The following ESRRB variants were observed in gnomAD, a reference collection of about 807,000 sequenced individuals.
ESRRB encodes the protein estrogen related receptor beta.
In ESRRB, 16 loss-of-function variants were observed where a neutral mutation model predicts 46.0. The observed-to-expected ratio is 0.35, with a 90% CI of 0.24 to 0.53. ESRRB has a LOEUF of 0.53. ESRRB is among the 20% of genes least tolerant of loss of function. The probability of loss-of-function intolerance (pLI) is 0.93; values close to 1 mark genes in which losing one functional copy is unlikely to be tolerated. For missense variants in ESRRB, 488 were observed against 607.4 expected (o/e 0.80, Z 2.07); for synonymous variants, 246 against 259.6 (o/e 0.95, Z 0.50).
At chr14:76,327,828 C>G (rs1245864413) in intron 1 of ESRRB, among the ~76,000 whole-genome samples, 1 of 151,960 alleles carries the variant, frequency 6.6e-6, no homozygotes, top group South Asian at 2.1e-4. Flanking sequence ...CTCAGCCTCC[C>G]GAGTAACTGG....
At chr14:76,454,544 C>A (rs1380607094) in intron 2 of ESRRB, among the ~76,000 whole-genome samples, 1 of 152,070 alleles carries the variant, frequency 6.6e-6, no homozygotes, top group African/African-American at 2.4e-5. Flanking sequence ...GAGGAGCTGG[C>A]CAGGAGGACC....
chr14:76,341,913 CT>C (rs1260976393), intron 1 of ESRRB, among the ~76,000 whole-genome samples: 1 of 152,164 alleles, frequency 6.6e-6, no homozygotes, highest in East Asian at 1.9e-4. Flanking sequence ...GTAAAACCTG[CT>C]GGAGAATGGT....
At chr14:76,319,445 C>T (rs577704264) in intron 1 of ESRRB, among the ~76,000 whole-genome samples, 4 of 152,124 alleles carry the variant, frequency 2.6e-5, no homozygotes, top group Non-Finnish European at 4.4e-5. Context: ...TTTGTGCACA[C>T]GTGTGCACAT....
chr14:76,409,894 A>G (rs1331847962), intron 1 of ESRRB, among the ~76,000 whole-genome samples: 2 of 152,156 alleles, frequency 1.3e-5, no homozygotes, highest in Non-Finnish European at 2.9e-5. Context: ...TGCATGTCTC[A>G]TGGTTTTACC....
intron 1 of ESRRB, among the ~76,000 whole-genome samples, chr14:76,379,905 C>T (rs530046992): frequency 8.3e-5 from 11 of 132,292 alleles, no homozygotes; most frequent in Non-Finnish European, 1.6e-4. Flanking sequence ...GGCCACAAAA[C>T]AGGAATCTTT....
chr14:76,406,308 G>A (rs1027720296), intron 1 of ESRRB, among the ~76,000 whole-genome samples: 8 of 152,162 alleles, frequency 5.3e-5, no homozygotes, highest in Non-Finnish European at 1.2e-4. Context: ...GGGGCTGGGA[G>A]TTAGGGCTTG....
At chr14:76,401,717 G>T (rs569098471) in intron 1 of ESRRB, among the ~76,000 whole-genome samples, 155 of 152,312 alleles carry the variant, frequency 1.0e-3, no homozygotes, top group Admixed American at 1.8e-3. Context: ...CAGCCTAGGG[G>T]TGTAGTAGGC....
At chr14:76,408,468 G>T (rs913523219) in intron 1 of ESRRB, among the ~76,000 whole-genome samples, 1 of 151,774 alleles carries the variant, frequency 6.6e-6, no homozygotes, top group Non-Finnish European at 1.5e-5. Flanking sequence ...GCATGCCTGT[G>T]GTCCCAGCTC....
intron 1 of ESRRB, 26 bp from the exon 2 acceptor site, chr14:76,439,315 G>T (rs1887809432): frequency 6.2e-7 from 1 of 1,613,508 alleles, no homozygotes; most frequent in African/African-American, 1.3e-5. Flanking sequence ...CCTTGCTGGG[G>T]CTGACTTCCC....
At chr14:76,440,544 C>T (rs1306231935) in intron 2 of ESRRB, among the ~76,000 whole-genome samples, 1 of 148,866 alleles carries the variant, frequency 6.7e-6, no homozygotes, top group Non-Finnish European at 1.5e-5. Context: ...ATTTTTAAGA[C>T]CGACCTTCCT....
At position 76,439,467 on chromosome 14, in the gene ESRRB, G is replaced by A. The variant is rs781612689; in HGVS notation, c.177G>A (p.Ser59=). The change falls in exon 2 of 7, where the codon TCG becomes TCA. Residue 59 remains serine, a synonymous_variant. Transcript: ENST00000644823. ...TCAGCCACCACAGCCCCAGTGGCTC[G>A]TCCGACGCCAGCGGCGGCTTTGGCC... ...DALSHHSPSG[S]SDASGGFGLA... 7.7e-5 allele frequency: 124 copies of A among 1,610,502 alleles called. No individual in the cohort carries two copies. The Admixed American group carries it at 1.7e-3, about 22-fold the overall frequency.
intron 1 of ESRRB, among the ~76,000 whole-genome samples, chr14:76,415,908 T>C (rs1886677935): frequency 6.6e-6 from 1 of 152,184 alleles, no homozygotes; most frequent in Non-Finnish European, 1.5e-5. Flanking sequence ...TCAGAGAGGA[T>C]AAGTGGCTTG....
At chr14:76,356,749 C>A (rs1442262879) in intron 1 of ESRRB, among the ~76,000 whole-genome samples, 1 of 152,250 alleles carries the variant, frequency 6.6e-6, no homozygotes, top group Non-Finnish European at 1.5e-5. Context: ...ACAAGCAATG[C>A]ATGAATAAAT....
Position 76,439,566 on chromosome 14 carries a change from A to G in ESRRB, c.276A>G (p.Pro92=). ...CAGGCGCCGGGCTGGGAGGCACCCCATGCCGCAAGAGCTACGAGGACTGTG... is the reference window on the plus strand; with the variant it reads ...CAGGCGCCGGGCTGGGAGGCACCCCGTGCCGCAAGAGCTACGAGGACTGTG... ...MFAGAGLGGT[P]CRKSYEDCAS... The change falls in exon 2 of 7, where the codon CCA becomes CCG. Residue 92 remains proline, a synonymous_variant. Transcript: ENST00000644823. 1.2e-6 allele frequency: 2 copies of G among 1,614,076 alleles called. No individual in the cohort carries two copies. Among genetic ancestry groups the G allele is most frequent in the Non-Finnish European group, 1.7e-6 (2 of 1,179,988 alleles).
At chr14:76,313,316 A>AT (rs34795014) in intron 1 of ESRRB, among the ~76,000 whole-genome samples, 97,828 of 150,372 alleles carry the variant, frequency 0.65, 33,436 homozygotes, top group Admixed American at 0.77. Flanking sequence ...CATCAAATTC[A>AT]TTTTTTTTTT....
At chr14:76,416,368 A>G (rs1223370911) in intron 1 of ESRRB, among the ~76,000 whole-genome samples, 1 of 151,778 alleles carries the variant, frequency 6.6e-6, no homozygotes, top group Admixed American at 6.6e-5. Flanking sequence ...TCCAGTTCAG[A>G]CTGCCTTTGT....
At chr14:76,323,747 G>A (rs930229474) in intron 1 of ESRRB, among the ~76,000 whole-genome samples, 8 of 152,304 alleles carry the variant, frequency 5.3e-5, no homozygotes, top group Middle Eastern at 3.4e-3. Context: ...GGTGAATTGC[G>A]TGGGATCTGT....
At chr14:76,354,218 C>A (rs1884348254) in intron 1 of ESRRB, among the ~76,000 whole-genome samples, 2 of 78,256 alleles carry the variant, frequency 2.6e-5, no homozygotes, top group African/African-American at 9.0e-5. Context: ...CCAGGGTCCT[C>A]TACCCGCCCC....
At chr14:76,445,874 C>T (rs1888124528) in intron 2 of ESRRB, among the ~76,000 whole-genome samples, 1 of 152,066 alleles carries the variant, frequency 6.6e-6, no homozygotes, top group Non-Finnish European at 1.5e-5. Context: ...TCAGTAGAGA[C>T]AGGGTTTCAC....
Sources: allele counts gnomAD v4.1 joint callset (sites outside exome capture counted in the v4.1 genomes callset), GRCh38; gene constraint gnomAD v4.1.1; transcripts MANE v1.5; gene names NCBI Gene and HGNC (gene_info 2026-07-23, HGNC 2026-07-21).